The following NELL1 variants were observed in gnomAD, a reference collection of about 807,000 sequenced individuals.
The protein encoded by NELL1 is protein kinase C-binding protein NELL1.
A neutral mutation model predicts 107.4 loss-of-function variants in NELL1; 76 were observed. That is an observed-to-expected ratio of 0.71 (90% CI 0.59 to 0.86). NELL1 has a LOEUF of 0.86. Among genes scored for constraint, NELL1 ranks in the 40% least tolerant of loss-of-function variants. The pLI is 0.00. For missense variants in NELL1, 1,024 were observed against 1,005.5 expected, an observed-to-expected ratio of 1.02 and a Z score of -0.25; for synonymous variants, 353 against 341.2, an observed-to-expected ratio of 1.03 and a Z score of -0.38.
At chr11:21,055,598 T>C (rs1853593794) in intron 12 of NELL1, among the ~76,000 whole-genome samples, 1 of 152,138 alleles carries the variant, frequency 6.6e-6, no homozygotes, top group African/African-American at 2.4e-5. Flanking sequence ...CTGTTATCTG[T>C]TCTAATTGAT....
chr11:21,567,050 C>A (rs1405292244), intron 17 of NELL1, among the ~76,000 whole-genome samples: 1 of 151,794 alleles, frequency 6.6e-6, no homozygotes, highest in African/African-American at 2.4e-5. Flanking sequence ...TATTGAGTCT[C>A]ATAGCCTGTT....
intron 14 of NELL1, among the ~76,000 whole-genome samples, chr11:21,346,442 G>T (rs1436728076): frequency 1.3e-5 from 2 of 151,316 alleles, no homozygotes; most frequent in East Asian, 1.9e-4. Context: ...TAAATGGAGA[G>T]AAAGGGTAAG....
chr11:20,845,689 A>C (rs548405418), intron 3 of NELL1, among the ~76,000 whole-genome samples: 4 of 152,200 alleles, frequency 2.6e-5, no homozygotes, highest in Non-Finnish European at 5.9e-5. Flanking sequence ...GATGATGTCT[A>C]TGAAAGCACT....
intron 3 of NELL1, among the ~76,000 whole-genome samples, chr11:20,847,337 G>A (rs1357935439): frequency 1.3e-5 from 2 of 152,142 alleles, no homozygotes; most frequent in Non-Finnish European, 2.9e-5. Context: ...CTAATTAGCT[G>A]TGGCTTGTTA....
intron 12 of NELL1, among the ~76,000 whole-genome samples, chr11:21,031,934 A>G (rs1443818052): frequency 6.6e-6 from 1 of 151,902 alleles, no homozygotes; most frequent in Non-Finnish European, 1.5e-5. Flanking sequence ...AGTTCCAGCT[A>G]CTTAAGAGGC....
intron 5 of NELL1, among the ~76,000 whole-genome samples, chr11:20,898,368 A>T (rs1849796975): frequency 2.0e-5 from 3 of 152,116 alleles, no homozygotes; most frequent in Non-Finnish European, 4.4e-5. Context: ...GGAATTGAAC[A>T]ATGACAACAC....
At chr11:21,523,777 A>G (rs1564939934) in intron 15 of NELL1, among the ~76,000 whole-genome samples, 1 of 152,050 alleles carries the variant, frequency 6.6e-6, no homozygotes, top group Non-Finnish European at 1.5e-5. Context: ...ACCTCTCTCA[A>G]GGTAGTAAAC....
chr11:20,764,611 C>CCTT (rs1554916065), intron 2 of NELL1, among the ~76,000 whole-genome samples: 1 of 142,080 alleles, frequency 7.0e-6, no homozygotes, highest in South Asian at 2.3e-4. Flanking sequence ...CACCCCAGAC[C>CCTT]TTTTTTTTTT....
chr11:20,909,452 G>C (rs990508710), intron 5 of NELL1, among the ~76,000 whole-genome samples: 3 of 152,098 alleles, frequency 2.0e-5, no homozygotes, highest in Admixed American at 2.0e-4. Flanking sequence ...CTGGTTCTGA[G>C]ACATGCTTTA....
chr11:21,313,409 G>A (rs1280269441), intron 14 of NELL1, among the ~76,000 whole-genome samples: 3 of 152,104 alleles, frequency 2.0e-5, no homozygotes, highest in Admixed American at 6.6e-5. Flanking sequence ...TTAGCACTCC[G>A]AAAATAGGGA....
chr11:20,975,859 T>C (rs1851608036), intron 12 of NELL1, among the ~76,000 whole-genome samples: 1 of 128,718 alleles, frequency 7.8e-6, no homozygotes, highest in Admixed American at 8.0e-5. Context: ...TATACATATA[T>C]GTGTATTATA....
At chr11:21,424,025 G>T (rs1041106921) in intron 15 of NELL1, among the ~76,000 whole-genome samples, 6 of 152,262 alleles carry the variant, frequency 3.9e-5, no homozygotes, top group African/African-American at 1.2e-4. Context: ...AGAAAAGTGC[G>T]AAAGATCTCA....
At chr11:20,883,275 G>T (rs1849444260) in intron 4 of NELL1, among the ~76,000 whole-genome samples, 2 of 152,218 alleles carry the variant, frequency 1.3e-5, no homozygotes, top group Non-Finnish European at 2.9e-5. Context: ...GTGGGCCTCA[G>T]ATGTTTGCTT....
intron 15 of NELL1, among the ~76,000 whole-genome samples, chr11:21,510,538 G>T (rs4512813): frequency 6.6e-6 from 1 of 151,978 alleles, no homozygotes; most frequent in African/African-American, 2.4e-5. Flanking sequence ...TACAATGTGG[G>T]GGAACAAATG....
At chr11:21,176,094 G>A (rs1215710424) in intron 13 of NELL1, among the ~76,000 whole-genome samples, 1 of 151,708 alleles carries the variant, frequency 6.6e-6, no homozygotes, top group Non-Finnish European at 1.5e-5. Flanking sequence ...GTAGACTCTG[G>A]ATTTCTTCAT....
intron 13 of NELL1, among the ~76,000 whole-genome samples, chr11:21,213,131 C>G (rs1857537984): frequency 6.6e-6 from 1 of 151,614 alleles, no homozygotes; most frequent in Non-Finnish European, 1.5e-5. Flanking sequence ...AATGAAATGC[C>G]TAAGAAAATG....
intron 14 of NELL1, among the ~76,000 whole-genome samples, chr11:21,326,001 A>G (rs1850122783): frequency 6.8e-6 from 1 of 147,554 alleles, no homozygotes; most frequent in Non-Finnish European, 1.5e-5. Flanking sequence ...AATTATATGA[A>G]TAGACCCACA....
intron 2 of NELL1, among the ~76,000 whole-genome samples, chr11:20,752,222 G>C (rs1856156680): frequency 1.3e-5 from 2 of 152,118 alleles, no homozygotes; most frequent in Admixed American, 6.5e-5. Context: ...AGAATGAGTT[G>C]TCATGTATTC....
At chr11:20,859,977 G>T (rs1848950236) in intron 4 of NELL1, among the ~76,000 whole-genome samples, 2 of 152,132 alleles carry the variant, frequency 1.3e-5, no homozygotes. Flanking sequence ...TAGGATAAAG[G>T]TCACAATCCT....
Sources: gnomAD v4.1 joint callset for allele counts (sites outside exome capture counted in the v4.1 genomes callset) on GRCh38, gnomAD v4.1.1 for gene constraint, MANE v1.5 for transcripts, NCBI Gene and HGNC (gene_info 2026-07-23, HGNC 2026-07-21) for gene names.